Variants in ABHD12 observed in about 807,000 individuals in gnomAD.
The protein encoded by ABHD12 is lysophosphatidylserine lipase ABHD12.
In ABHD12, 43 loss-of-function variants were observed where a neutral mutation model predicts 58.3. That is an observed-to-expected ratio of 0.74 (90% CI 0.58 to 0.95). The LOEUF is 0.95. Among genes scored for constraint, ABHD12 ranks in the 40% least tolerant of loss-of-function variants. The pLI, the probability that ABHD12 is intolerant of heterozygous loss-of-function variation, is 0.00. For missense variants in ABHD12, 539 were observed against 537.2 expected (o/e 1.00, Z -0.03); for synonymous variants, 219 against 211.2 (o/e 1.04, Z -0.32).
intron 7 of ABHD12, 138 bp from the exon 8 acceptor site, chr20:25,308,632 G>A: frequency 1.8e-6 from 2 of 1,097,764 alleles, no homozygotes; most frequent in Non-Finnish European, 1.3e-6. Context: ...GGGGGAAATG[G>A]AGATCCCTCT....
intron 1 of ABHD12, among the ~76,000 whole-genome samples, chr20:25,388,791 T>TTTTC (rs1568783214): frequency 8.3e-6 from 1 of 119,922 alleles, no homozygotes; most frequent in African/African-American, 4.8e-5. Context: ...TTTTTTCTTT[T>TTTTC]TTTTTTTTTT....
chr20:25,314,076 G>A (rs936362478), intron 6 of ABHD12, among the ~76,000 whole-genome samples: 3 of 151,762 alleles, frequency 2.0e-5, no homozygotes, highest in African/African-American at 7.3e-5. Context: ...AGGTTCAAGC[G>A]CTTCTCCTGC....
At chr20:25,369,633 C>T (rs539589061) in intron 1 of ABHD12, among the ~76,000 whole-genome samples, 39 of 152,296 alleles carry the variant, frequency 2.6e-4, no homozygotes, top group Admixed American at 2.4e-3. Context: ...CGTCTCAGTT[C>T]AAGAGGGTAA....
intron 1 of ABHD12, among the ~76,000 whole-genome samples, chr20:25,352,298 A>G (rs1357238414): frequency 7.3e-6 from 1 of 136,480 alleles, no homozygotes; most frequent in East Asian, 2.2e-4. Context: ...GGCCTTTTAT[A>G]TTATTTTTGA....
intron 11 of ABHD12, among the ~76,000 whole-genome samples, chr20:25,302,695 GGCTTA>G (rs2088659571): frequency 6.6e-6 from 1 of 152,212 alleles, no homozygotes; most frequent in Non-Finnish European, 1.5e-5. Context: ...ATGTGCCTCA[GGCTTA>G]GCTAAGATGG....
rs916342032 is a variant in ABHD12, at chr20:25,387,954, T to C, written c.191+2559A>G. Reference sequence around the variant, plus strand: ...TACTCAGGAGGCTGGGGCAGGAGAATTGCTTGAACCTGGGAGGTGGAGGTT... The same window carrying C: ...TACTCAGGAGGCTGGGGCAGGAGAACTGCTTGAACCTGGGAGGTGGAGGTT... On this transcript the variant is annotated intron_variant, in intron 1 of 12. Transcript: ENST00000339157. Among the ~76,000 whole-genome samples the C allele has an allele frequency of 3.3e-5, 5 of 150,618 alleles. No individual in the cohort carries two copies. In the South Asian group the frequency reaches 1.1e-3, roughly 32 times the overall value.
At chr20:25,388,995 G>A (rs773975903) in intron 1 of ABHD12, among the ~76,000 whole-genome samples, 4 of 151,682 alleles carry the variant, frequency 2.6e-5, no homozygotes, top group Admixed American at 1.3e-4. Flanking sequence ...TAGTACAGAC[G>A]GGGTTTCTCC....
Position 25,390,763 on chromosome 20 carries a change from G to A in ABHD12, c.-60C>T, listed in dbSNP as rs1162251671. ...CGCTGGCCTGCGCCGCAGTGCCGCC[G>A]CTCACAGCCGCCGCCACCCAGAGCC... On this transcript the variant is annotated 5_prime_UTR_variant, in exon 1 of 13. Coordinates refer to ENST00000339157, the MANE Select transcript of ABHD12 (RefSeq NM_001042472.3). The A allele has an allele frequency of 2.3e-5, 14 of 621,614 alleles. No homozygotes were observed. Among genetic ancestry groups the A allele is most frequent in the South Asian group, 5.8e-5 (1 of 17,124 alleles). 38.5% of individuals were successfully genotyped at this position (621,614 alleles called of 1,614,324 possible).
At chr20:25,386,105 A>AAAT (rs573746312) in intron 1 of ABHD12, among the ~76,000 whole-genome samples, 3,245 of 151,438 alleles carry the variant, frequency 0.021, 105 homozygotes, top group African/African-American at 0.074. Context: ...CGTCTCAAAA[A>AAAT]AATAATAATA....
At chr20:25,296,104 G>C (rs923055645), downstream of ABHD12, among the ~76,000 whole-genome samples, 1 of 152,110 alleles carries the variant, frequency 6.6e-6, no homozygotes, top group African/African-American at 2.4e-5. Flanking sequence ...CCCTATCGTC[G>C]TCCTGGGGGC....
intron 2 of ABHD12, among the ~76,000 whole-genome samples, chr20:25,326,854 T>C (rs772669753): frequency 2.2e-4 from 33 of 152,226 alleles, no homozygotes; most frequent in Admixed American, 3.3e-4. Context: ...GTCACCAAAC[T>C]AATGCATTCC....
chr20:25,351,334 T>C (rs538497151), intron 1 of ABHD12, among the ~76,000 whole-genome samples: 8 of 152,332 alleles, frequency 5.3e-5, no homozygotes, highest in South Asian at 2.1e-4. Flanking sequence ...ATCAAAGAAT[T>C]ACTGTCCCAT....
rs967734283 is a variant in ABHD12 at position 25,333,268 on chromosome 20, A to G, written c.316+5959T>C. On this transcript the variant is annotated intron_variant, in intron 2 of 12. Coordinates refer to ENST00000339157, the MANE Select transcript of ABHD12 (RefSeq NM_001042472.3). ...GAAGACTAAACCAGGAAGAAATTCA[A>G]TCTCTGAATAGACCAATAACAGGAG... Among the ~76,000 whole-genome samples the G allele has an allele frequency of 2.0e-4, 24 of 117,452 alleles. 7 individuals carry two copies. Among genetic ancestry groups the G allele is most frequent in the Admixed American group, 3.7e-4 (4 of 10,950 alleles). 77.1% of individuals were successfully genotyped at this position (117,452 alleles called of 152,430 possible).
At chr20:25,335,026 A>G (rs999414473) in intron 2 of ABHD12, among the ~76,000 whole-genome samples, 1 of 151,872 alleles carries the variant, frequency 6.6e-6, no homozygotes, top group African/African-American at 2.4e-5. Flanking sequence ...GCAACCTACA[A>G]AATGGGAGAA....
chr20:25,329,183 C>A (rs1937626252), intron 2 of ABHD12, among the ~76,000 whole-genome samples: 1 of 152,208 alleles, frequency 6.6e-6, no homozygotes, highest in South Asian at 2.1e-4. Flanking sequence ...CCTGCCCAGG[C>A]CCCTGCTTCA....
intron 4 of ABHD12, among the ~76,000 whole-genome samples, chr20:25,319,677 C>T (rs942428275): frequency 3.3e-5 from 5 of 152,220 alleles, no homozygotes; most frequent in East Asian, 1.9e-4. Context: ...TTCCCAAGAG[C>T]GCGAGGCACC....
At chr20:25,390,372 A>T (rs549350028) in intron 1 of ABHD12, 141 bp downstream of exon 1, 2 of 858,280 alleles carry the variant, frequency 2.3e-6, no homozygotes, top group East Asian at 3.6e-5. Flanking sequence ...TGCGGGACAC[A>T]GGCGCGGACG....
chr20:25,339,006 T>C, intron 2 of ABHD12: 1 of 1,316,552 alleles, frequency 7.6e-7, no homozygotes, highest in Non-Finnish European at 9.7e-7. Flanking sequence ...CACAGGGACC[T>C]TTTTGGGTAA....
chr20:25,378,546 A>G (rs752157163), intron 1 of ABHD12, among the ~76,000 whole-genome samples: 3 of 152,160 alleles, frequency 2.0e-5, no homozygotes, highest in Middle Eastern at 3.2e-3. Context: ...GTTAAAAGCC[A>G]TATCTATTCT....
Sources: gnomAD v4.1 joint callset for allele counts (sites outside exome capture counted in the v4.1 genomes callset) on GRCh38, gnomAD v4.1.1 for gene constraint, MANE v1.5 for transcripts, NCBI Gene and HGNC (gene_info 2026-07-23, HGNC 2026-07-21) for gene names.